YLPM1: variants seen among roughly 807,000 people sequenced by gnomAD.
YLPM1 encodes YLP motif-containing protein 1.
YLPM1 carries 99 observed loss-of-function variants against 230.0 expected under a neutral mutation model. That is an observed-to-expected ratio of 0.43 (90% confidence interval 0.37 to 0.51). The LOEUF (loss-of-function observed/expected upper bound fraction) is 0.51. Ranked by LOEUF, YLPM1 falls within the 20% of genes least tolerant of loss-of-function variation. The probability of loss-of-function intolerance (pLI) is 0.00; values close to 1 mark genes in which losing one functional copy is unlikely to be tolerated. For synonymous variants in YLPM1, 984 were observed against 942.5 expected (o/e 1.04, Z -0.81); for missense variants, 2,592 against 2,707.7 (o/e 0.96, Z 0.95).
At chr14:74,785,248 C>T (rs954031171) in intron 4 of YLPM1, among the ~76,000 whole-genome samples, 1 of 152,170 alleles carries the variant, frequency 6.6e-6, no homozygotes, top group African/African-American at 2.4e-5. Context: ...TTTCAGTCTG[C>T]TGAAATCTTG....
intron 4 of YLPM1, among the ~76,000 whole-genome samples, chr14:74,794,851 T>C (rs576105219): frequency 6.6e-6 from 1 of 152,338 alleles, no homozygotes; most frequent in African/African-American, 2.4e-5. Context: ...TCCATATTTC[T>C]GCAATGGTCA....
intron 4 of YLPM1, among the ~76,000 whole-genome samples, chr14:74,788,575 C>T (rs181325956): frequency 4.6e-5 from 7 of 152,324 alleles, no homozygotes; most frequent in African/African-American, 1.7e-4. Flanking sequence ...GGCATGGTGG[C>T]TCACACACCT....
Position 74,764,199 on chromosome 14 carries a change from A to G in YLPM1, c.710A>G (p.Gln237Arg). ...SSQASPSRPSQGHSKSQLLAP... is the reference protein window; with the variant it reads ...SSQASPSRPSRGHSKSQLLAP... ...CAGGCATCTCCTTCCCGCCCCTCCC[A>G]GGGCCATTCTAAATCCCAACTACTA... The change falls in exon 1 of 21, where the codon CAG (glutamine) becomes CGG (arginine). Residue 237 changes from glutamine (Q) to arginine (R), a missense_variant. Coordinates refer to ENST00000325680, the MANE Select transcript of YLPM1 (RefSeq NM_019589.3). 1.2e-6 allele frequency: 2 copies of G among 1,612,534 alleles called. No homozygotes were observed. Among genetic ancestry groups the G allele is most frequent in the South Asian group, 1.1e-5 (1 of 90,986 alleles).
At chr14:74,805,808 T>G (rs544550192) in intron 6 of YLPM1, among the ~76,000 whole-genome samples, 1 of 151,308 alleles carries the variant, frequency 6.6e-6, no homozygotes, top group South Asian at 2.1e-4. Flanking sequence ...GTTCAAGTGA[T>G]TCTCCTGCCT....
At chr14:74,820,717 A>C (rs982476665) in intron 16 of YLPM1, among the ~76,000 whole-genome samples, 6 of 152,214 alleles carry the variant, frequency 3.9e-5, no homozygotes, top group African/African-American at 1.4e-4. Flanking sequence ...TTGAAATTTG[A>C]ATCATTGACA....
In YLPM1 at chr14:74,809,706, C is replaced by T; in HGVS notation, c.4848C>T (p.Ser1616=). ...PVLPPPPVHS[S]IPPPGPVPMG... is the part of the protein sequence containing the mutation. Reference sequence around the variant, plus strand: ...TACCACCCCCACCTGTTCACTCTTCCATTCCCCCTCCTGGCCCAGTGCCTA... The same window carrying T: ...TACCACCCCCACCTGTTCACTCTTCTATTCCCCCTCCTGGCCCAGTGCCTA... The change falls in exon 7 of 21, where the codon TCC becomes TCT. Residue 1616 remains serine, a synonymous_variant. Transcript: ENST00000325680. 1 of 1,614,016 alleles carries T rather than the reference C, an allele frequency of 6.2e-7. No individual in the cohort carries two copies. Among genetic ancestry groups the T allele is most frequent in the Non-Finnish European group, 8.5e-7 (1 of 1,179,892 alleles).
chr14:74,816,693 A>G lies in YLPM1; in HGVS notation c.5685+3A>G, dbSNP rs2091480720. On this transcript the variant is annotated splice_donor_region_variant and intron_variant, in intron 13 of 20. Coordinates refer to ENST00000325680, the MANE Select transcript of YLPM1 (RefSeq NM_019589.3). ...CTGGAAAGAAAGTGAAAAAGAAGGTATGGTATTCATCTCAGATCTCGTTCT... is the reference window on the plus strand; with the variant it reads ...CTGGAAAGAAAGTGAAAAAGAAGGTGTGGTATTCATCTCAGATCTCGTTCT... The G allele has an allele frequency of 1.2e-6, 2 of 1,609,954 alleles. No individual in the cohort carries two copies. The highest frequency in any genetic ancestry group is 1.7e-6 in the Non-Finnish European group (2 of 1,178,234).
chr14:74,808,106 GT>G (rs2091396659), intron 6 of YLPM1, among the ~76,000 whole-genome samples: 1 of 152,146 alleles, frequency 6.6e-6, no homozygotes, highest in African/African-American at 2.4e-5. Flanking sequence ...ATTTTAAAAC[GT>G]TTTCATTACC....
In YLPM1 at chr14:74,816,598, G is replaced by A; in HGVS notation, c.5593G>A (p.Ala1865Thr). The change falls in exon 13 of 21, where the codon GCA becomes ACA. Residue 1865 changes from alanine to threonine, a missense_variant. Ala to Thr is a moderately conservative substitution (Grantham distance 58, BLOSUM62 0). This residue lies in a region of YLPM1 where 315 missense variants were observed against 429.3 expected (regional missense o/e 0.73). Transcript: ENST00000325680. ...TAAGGAGGTAGAATTTGGAGGACCT[G>A]CACCCAGAGTTCTAAGCCTGGATGA... is the stretch of plus-strand genomic sequence containing the variant. ...RDKEVEFGGP[A>T]PRVLSLDDYF... The A allele has an allele frequency of 1.9e-6, 3 of 1,613,594 alleles. No individual in the cohort carries two copies. Among genetic ancestry groups the A allele is most frequent in the Middle Eastern group, 1.7e-4 (1 of 6,058 alleles).
intron 4 of YLPM1, among the ~76,000 whole-genome samples, chr14:74,787,725 A>G (rs1361902447): frequency 5.3e-5 from 8 of 152,176 alleles, no homozygotes; most frequent in Admixed American, 5.2e-4. Context: ...AGAATTTAAG[A>G]ATAAAGGGGC....
At chr14:74,777,622 A>G (rs1323971396) in intron 1 of YLPM1, among the ~76,000 whole-genome samples, 1 of 151,964 alleles carries the variant, frequency 6.6e-6, no homozygotes, top group East Asian at 1.9e-4. Flanking sequence ...TGTACAGCAT[A>G]TTCTCTTATA....
intron 2 of YLPM1, among the ~76,000 whole-genome samples, chr14:74,779,600 G>A (rs1207201371): frequency 3.3e-5 from 5 of 151,650 alleles, no homozygotes; most frequent in East Asian, 1.9e-4. Flanking sequence ...AAAAAGAAAC[G>A]GATTTTTCAT....
rs200709209 is a variant in YLPM1 at position 74,809,391 on chromosome 14, G to A, written c.4533G>A (p.Ser1511=). The change falls in exon 7 of 21, where the codon TCG becomes TCA. Residue 1511 remains serine (S), a synonymous_variant. Coordinates refer to ENST00000325680, the MANE Select transcript of YLPM1 (RefSeq NM_019589.3). ...SRPGMYPPPG[S]YRPPPPMGKP... is the part of the protein sequence containing the mutation. ...ATTCTGTTCTCTAGCCTCCAGGGTC[G>A]TATAGACCTCCCCCTCCTATGGGCA... is the stretch of plus-strand genomic sequence containing the variant. The A allele has an allele frequency of 1.2e-3, 1,990 of 1,608,076 alleles. 8 individuals are homozygous for A. Among genetic ancestry groups the A allele is most frequent in the Middle Eastern group, 8.3e-3 (50 of 6,058 alleles).
intron 1 of YLPM1, among the ~76,000 whole-genome samples, chr14:74,775,945 A>G (rs752026686): frequency 6.6e-6 from 1 of 152,214 alleles, no homozygotes; most frequent in Non-Finnish European, 1.5e-5. Context: ...ATGTTCTCCA[A>G]CATCACTTTC....
chr14:74,803,436 C>T lies in YLPM1; in HGVS notation c.4521+760C>T, dbSNP rs556662939. 4.6e-5 allele frequency among the ~76,000 whole-genome samples: 7 copies of T among 152,262 alleles called. No individual in the cohort carries two copies. In the East Asian group the frequency reaches 1.2e-3, roughly 25 times the overall value. On this transcript the variant is annotated intron_variant, in intron 6 of 20. Transcript: ENST00000325680. Reference sequence around the variant, plus strand: ...CAGCTCTACTGAACCTCTACTGAACCATTTCATCAAATTAACACTTTTCAT... The same window carrying T: ...CAGCTCTACTGAACCTCTACTGAACTATTTCATCAAATTAACACTTTTCAT...
chr14:74,771,476 A>G (rs2090975415), intron 1 of YLPM1, among the ~76,000 whole-genome samples: 1 of 152,214 alleles, frequency 6.6e-6, no homozygotes, highest in Non-Finnish European at 1.5e-5. Flanking sequence ...AGTTTTTGCT[A>G]TTACTTTTAA....
intron 17 of YLPM1, chr14:74,823,990 G>C: frequency 5.7e-6 from 2 of 352,932 alleles, no homozygotes; most frequent in Non-Finnish European, 1.0e-5. Flanking sequence ...GACTACAATT[G>C]TGAGTCCTGA....
intron 19 of YLPM1, among the ~76,000 whole-genome samples, chr14:74,829,675 A>G (rs1307962440): frequency 6.6e-6 from 1 of 152,154 alleles, no homozygotes; most frequent in African/African-American, 2.4e-5. Flanking sequence ...GAACTTCTTA[A>G]TGGATGGGAT....
At chr14:74,768,477 C>T (rs369710702) in intron 1 of YLPM1, among the ~76,000 whole-genome samples, 37 of 152,148 alleles carry the variant, frequency 2.4e-4, no homozygotes, top group Non-Finnish European at 5.0e-4. Context: ...GAACTCCTGA[C>T]CTCAAGTGAT....
Sources: gnomAD v4.1 joint callset for allele counts (sites outside exome capture counted in the v4.1 genomes callset) on GRCh38, gnomAD v4.1.1 for gene constraint, gnomAD v4.1.1 regional missense constraint, MANE v1.5 for transcripts, NCBI Gene and HGNC (gene_info 2026-07-23, HGNC 2026-07-21) for gene names.